Variants in HIF3A observed in about 807,000 individuals in gnomAD.
The protein encoded by HIF3A is hypoxia inducible factor 3 subunit alpha.
HIF3A carries 41 observed loss-of-function variants against 67.2 expected under a neutral mutation model. The observed-to-expected ratio is 0.61, with a 90% confidence interval of 0.48 to 0.79. The LOEUF is 0.79. Ranked by LOEUF, HIF3A falls within the 30% of genes least tolerant of loss-of-function variation. The pLI is 0.00. For synonymous variants in HIF3A, 356 were observed against 374.8 expected, an observed-to-expected ratio of 0.95 and a Z score of 0.58; for missense variants, 855 against 898.0, an observed-to-expected ratio of 0.95 and a Z score of 0.61.
At chr19:46,300,944 G>GCGCTGGCCC (rs1413609305) in intron 1 of HIF3A, among the ~76,000 whole-genome samples, 2 of 152,012 alleles carry the variant, frequency 1.3e-5, no homozygotes, top group East Asian at 1.9e-4. Context: ...GGGAGGTGGG[G>GCGCTGGCCC]CACTGGCCCC....
chr19:46,298,173 C>G, intron 1 of HIF3A: 1 of 292,242 alleles, frequency 3.4e-6, no homozygotes, highest in East Asian at 1.3e-4. Context: ...CTTCTCAGGC[C>G]TGATTGGATC....
At chr19:46,321,662 G>A (rs1970374001) in intron 9 of HIF3A, 114 bp from the exon 10 acceptor site, 4 of 902,120 alleles carry the variant, frequency 4.4e-6, no homozygotes, top group African/African-American at 1.7e-5. Context: ...AAGAACAGTG[G>A]CCATCCTGAC....
intron 9 of HIF3A, 113 bp downstream of exon 9, chr19:46,320,674 T>G: frequency 1.4e-6 from 1 of 726,358 alleles, no homozygotes; most frequent in Non-Finnish European, 2.3e-6. Context: ...CCTGCCTCCC[T>G]TCCCTGCGCA....
intron 3 of HIF3A, among the ~76,000 whole-genome samples, chr19:46,305,876 G>T (rs556477227): frequency 6.6e-6 from 1 of 152,266 alleles, no homozygotes; most frequent in Admixed American, 6.5e-5. Context: ...CAGGAGTTCA[G>T]TGTTTCACCT....
In HIF3A at chr19:46,341,323, C is replaced by T. The variant is rs2147343216; in HGVS notation, c.*1701C>T. 1 of 152,164 alleles carries T rather than the reference C, an allele frequency of 6.6e-6. No homozygotes were observed. Among genetic ancestry groups the T allele is most frequent in the East Asian group, 1.9e-4 (1 of 5,168 alleles). 9.4% of individuals were successfully genotyped at this position (152,164 alleles called of 1,614,324 possible). A position where few individuals can be genotyped will look rare whatever the true frequency, so the allele number is the denominator to read the frequency against. ...CAAGCAATTCTTGGGCCTCAGCCTC[C>T]CAAATAGCTGGGATTACAGGCATGT... is the stretch of plus-strand genomic sequence containing the variant. On this transcript the variant is annotated 3_prime_UTR_variant, in exon 15 of 15. Transcript: ENST00000377670.
intron 6 of HIF3A, chr19:46,310,777 G>A: frequency 6.4e-6 from 2 of 310,904 alleles, no homozygotes; most frequent in South Asian, 4.9e-5. Flanking sequence ...TTGAGGTGGA[G>A]TCTTGCTCTG....
rs1414088998 is a variant in HIF3A, at chr19:46,330,842, A to G, written c.1713-314A>G. Among the ~76,000 whole-genome samples the G allele has an allele frequency of 2.1e-5, 3 of 145,822 alleles. No individual in the cohort carries two copies. In the South Asian group the frequency reaches 6.9e-4, roughly 33 times the overall value. ...GGCAGACAGATGGTGGATGGATGGC[A>G]GATGGATGGATGGATGGATGGATGG... On this transcript the variant is annotated intron_variant, in intron 12 of 14. Coordinates refer to ENST00000377670, the MANE Select transcript of HIF3A (RefSeq NM_152795.4).
chr19:46,298,626 G>C (rs998906443), intron 1 of HIF3A: 1 of 784,808 alleles, frequency 1.3e-6, no homozygotes, highest in Non-Finnish European at 1.7e-6. Flanking sequence ...GGTACGGCTT[G>C]CAGCCCAGAG....
chr19:46,330,006 G>C (rs574355572), intron 12 of HIF3A, among the ~76,000 whole-genome samples: 2 of 142,696 alleles, frequency 1.4e-5, no homozygotes, highest in South Asian at 2.4e-4. Flanking sequence ...AGTGAAGAGA[G>C]AGGAAGGAAG....
Position 46,312,278 on chromosome 19 carries a change from C to T in HIF3A, c.877+11C>T, listed in dbSNP as rs987345030. 5.0e-6 allele frequency: 8 copies of T among 1,613,818 alleles called. No individual in the cohort carries two copies. The African/African-American group carries it at 1.1e-4, about 22-fold the overall frequency. The stretch of plus-strand genomic sequence containing the variant: ...AGAGCATCCACACCTGTATGTATCC[C>T]ATTTCCCCAGGTGCGAAGCCAGCTG... On this transcript the variant is annotated intron_variant, in intron 7 of 14. Coordinates refer to ENST00000377670, the MANE Select transcript of HIF3A (RefSeq NM_152795.4).
intron 8 of HIF3A, among the ~76,000 whole-genome samples, chr19:46,315,987 T>G (rs1969887284): frequency 6.6e-6 from 1 of 151,976 alleles, no homozygotes; most frequent in Non-Finnish European, 1.5e-5. Context: ...TCCCAGCACT[T>G]TGGGAGTCCA....
At chr19:46,328,088 C>T (rs1012838076) in intron 11 of HIF3A, among the ~76,000 whole-genome samples, 7 of 152,346 alleles carry the variant, frequency 4.6e-5, no homozygotes, top group South Asian at 2.1e-4. Context: ...TCCCTGGATC[C>T]GGCTGATTTT....
Position 46,305,318 on chromosome 19 carries a change from C to G in HIF3A, c.291C>G (p.Val97=). 1.9e-6 allele frequency: 3 copies of G among 1,614,120 alleles called. No individual in the cohort carries two copies. Among genetic ancestry groups the G allele is most frequent in the Non-Finnish European group, 2.5e-6 (3 of 1,180,016 alleles). Residue 97 remains valine, a synonymous_variant, in exon 3 of 15, where the codon GTC becomes GTG. Coordinates refer to ENST00000377670, the MANE Select transcript of HIF3A (RefSeq NM_152795.4). The stretch of plus-strand genomic sequence containing the variant: ...ACCTGAAGGCCCTGGAGGGCTTCGT[C>G]ATGGTGCTCACCGCCGAGGGAGACA... ...ACYLKALEGF[V]MVLTAEGDMA... is the part of the protein sequence containing the mutation.
chr19:46,310,712 C>T (rs1169811039), intron 6 of HIF3A: 1 of 404,956 alleles, frequency 2.5e-6, no homozygotes, highest in Admixed American at 3.0e-5. Flanking sequence ...CGGTGCAAAG[C>T]ACAAGTATCT....
intron 3 of HIF3A, among the ~76,000 whole-genome samples, chr19:46,307,446 A>T (rs1968954912): frequency 6.6e-6 from 1 of 151,980 alleles, no homozygotes; most frequent in African/African-American, 2.4e-5. Flanking sequence ...CTACAAAAAA[A>T]TTTGTAAAAA....
chr19:46,298,176 A>C, intron 1 of HIF3A: 1 of 295,086 alleles, frequency 3.4e-6, no homozygotes, highest in Non-Finnish European at 6.8e-6. Context: ...CTCAGGCCTG[A>C]TTGGATCCAT....
At chr19:46,319,638 A>G (rs1970203581) in intron 8 of HIF3A, among the ~76,000 whole-genome samples, 1 of 152,226 alleles carries the variant, frequency 6.6e-6, no homozygotes, top group African/African-American at 2.4e-5. Context: ...TGTAATGAAG[A>G]CTATGTTAAA....
chr19:46,320,267 C>A, intron 8 of HIF3A, 176 bp from the exon 9 acceptor site: 1 of 567,196 alleles, frequency 1.8e-6, no homozygotes, highest in Non-Finnish European at 3.1e-6. Context: ...AAGCAGTCAA[C>A]AGAAATGAAA....
intron 9 of HIF3A, among the ~76,000 whole-genome samples, 199 bp from the exon 10 acceptor site, chr19:46,321,577 C>T (rs1323217898): frequency 2.0e-5 from 3 of 152,132 alleles, no homozygotes; most frequent in Non-Finnish European, 2.9e-5. Context: ...GAGCTAGACT[C>T]CATCTCAAAA....
Sources: gnomAD v4.1 joint callset for allele counts (sites outside exome capture counted in the v4.1 genomes callset) on GRCh38, gnomAD v4.1.1 for gene constraint, MANE v1.5 for transcripts, NCBI Gene and HGNC (gene_info 2026-07-23, HGNC 2026-07-21) for gene names.